IRF8: variants seen among roughly 807,000 people sequenced by gnomAD.
The protein encoded by IRF8 is interferon regulatory factor 8.
A neutral mutation model predicts 48.7 loss-of-function variants in IRF8; 14 were observed. The ratio of observed to expected loss-of-function variants is 0.29; its 90% CI spans 0.19 to 0.45. The LOEUF is 0.45. Ranked by LOEUF, IRF8 falls within the 20% of genes least tolerant of loss-of-function variation. IRF8 has a pLI of 1.00. For missense variants in IRF8, 493 were observed against 580.7 expected, an observed-to-expected ratio of 0.85 and a Z score of 1.55; for synonymous variants, 278 against 227.3, an observed-to-expected ratio of 1.22 and a Z score of -2.01.
At chr16:85,917,328 ATACCTCCCTGCATT>A (rs1020073387) in intron 6 of IRF8, among the ~76,000 whole-genome samples, 1 of 152,200 alleles carries the variant, frequency 6.6e-6, no homozygotes, top group African/African-American at 2.4e-5. Flanking sequence ...TAAAATGCAG[ATACCTCCCTGCATT>A]TACATGTTAT....
intron 1 of IRF8, 150 bp from the exon 2 acceptor site, chr16:85,902,865 C>G (rs1597248842): frequency 2.5e-6 from 2 of 797,826 alleles, no homozygotes; most frequent in Middle Eastern, 6.6e-4. Flanking sequence ...CTTCTCATGG[C>G]AGGTGTCCCG....
Position 85,914,498 on chromosome 16 carries a change from C to A in IRF8, c.579C>A (p.Thr193=). Residue 193 remains threonine, a synonymous_variant, in exon 6 of 9, where the codon ACC becomes ACA. Coordinates refer to ENST00000268638, the MANE Select transcript of IRF8 (RefSeq NM_002163.4). ...STGVPLVTGY[T]TYDAHHSAFS... ...GCGTGCCGCTGGTGACGGGGTACAC[C>A]ACCTACGACGCGCACCATTCAGGTA... 6.2e-7 allele frequency: 1 copy of A among 1,614,122 alleles called. No individual in the cohort carries two copies. Among genetic ancestry groups the A allele is most frequent in the South Asian group, 1.1e-5 (1 of 91,080 alleles).
At position 85,903,151 on chromosome 16, in the gene IRF8, C is replaced by G; in HGVS notation, c.136C>G (p.Gln46Glu). The G allele has an allele frequency of 6.2e-7, 1 of 1,614,184 alleles. No homozygotes were observed. The highest frequency in any genetic ancestry group is 8.5e-7 in the Non-Finnish European group (1 of 1,180,050). Residue 46 changes from glutamine (Q) to glutamate (E), a missense_variant, in exon 2 of 9, where the codon CAA (glutamine) becomes GAA (glutamate). Physicochemically the swap from Gln to Glu is conservative, Grantham distance 29 (BLOSUM62 2). Around this residue, in one of 3 missense-constraint regions of IRF8, gnomAD observed 31 missense variants for 71.2 expected, o/e 0.44. Coordinates refer to ENST00000268638, the MANE Select transcript of IRF8 (RefSeq NM_002163.4). ...FRIPWKHAGK[Q>E]DYNQEVDASI... ...GATCCCTTGGAAACACGCTGGCAAGCAAGATTATAATCAGGAAGTGGATGC... is the reference window on the plus strand; with the variant it reads ...GATCCCTTGGAAACACGCTGGCAAGGAAGATTATAATCAGGAAGTGGATGC...
chr16:85,906,081 G>A (rs1904993054), intron 2 of IRF8, among the ~76,000 whole-genome samples: 1 of 152,110 alleles, frequency 6.6e-6, no homozygotes, highest in Admixed American at 6.5e-5. Flanking sequence ...AGTTAAGTGA[G>A]GATTATGATT....
At chr16:85,906,337 C>T (rs536956704) in intron 2 of IRF8, among the ~76,000 whole-genome samples, 11 of 152,208 alleles carry the variant, frequency 7.2e-5, no homozygotes, top group South Asian at 2.1e-4. Flanking sequence ...CTGTTGCTGG[C>T]GGCAGGGGTG....
In IRF8 at chr16:85,921,339, G is replaced by A; in HGVS notation, c.*57G>A. The A allele has an allele frequency of 6.5e-7, 1 of 1,548,718 alleles. No homozygotes were observed. The highest frequency in any genetic ancestry group is 8.9e-7 in the Non-Finnish European group (1 of 1,127,410). On this transcript the variant is annotated 3_prime_UTR_variant, in exon 9 of 9. Transcript: ENST00000268638. ...GTCCTGCATCCATCTCCCTGTTACA[G>A]TGGCCCGCATCATGATTAAAGAATG...
At chr16:85,917,308 T>G (rs1171216607) in intron 6 of IRF8, among the ~76,000 whole-genome samples, 1 of 152,208 alleles carries the variant, frequency 6.6e-6, no homozygotes, top group Non-Finnish European at 1.5e-5. Context: ...TTCTTTTGGT[T>G]TAAGGCAATT....
chr16:85,918,738 G>A lies in IRF8; in HGVS notation c.923G>A (p.Gly308Asp), dbSNP rs774512853. Reference sequence around the variant, plus strand: ...AGCGGCAACGCCGTGGTGTGCAAAGGCAGGCCCAACAAGCTGGAGCGTGAT... The same window carrying A: ...AGCGGCAACGCCGTGGTGTGCAAAGACAGGCCCAACAAGCTGGAGCGTGAT... ...FCSGNAVVCK[G>D]RPNKLERDEV... Residue 308 changes from glycine to aspartate, a missense_variant, in exon 7 of 9, where the codon GGC becomes GAC. Physicochemically the swap from Gly to Asp is moderately conservative, Grantham distance 94. Around this residue, in one of 3 missense-constraint regions of IRF8, gnomAD observed 408 missense variants for 449.6 expected, o/e 0.91. Transcript: ENST00000268638. The A allele has an allele frequency of 2.5e-6, 4 of 1,612,584 alleles. No homozygotes were observed. In the South Asian group the frequency reaches 3.3e-5, roughly 13 times the overall value.
Position 85,921,698 on chromosome 16 carries a change from G to T in IRF8, c.*416G>T, listed in dbSNP as rs1568391. 139,364 of 242,140 alleles carry T rather than the reference G, an allele frequency of 0.58. 42,160 individuals carry two copies. Among genetic ancestry groups the T allele is most frequent in the East Asian group, 0.84 (7,422 of 8,860 alleles). 15.0% of individuals were successfully genotyped at this position (242,140 alleles called of 1,614,324 possible). ...AAACAAGGTTGTTTTTGTCTTTATC[G>T]TTTGTTAGAGTTATAGATTTATGAT... is the stretch of plus-strand genomic sequence containing the variant. On this transcript the variant is annotated 3_prime_UTR_variant, in exon 9 of 9. Coordinates refer to ENST00000268638, the MANE Select transcript of IRF8 (RefSeq NM_002163.4).
chr16:85,919,428 G>C (rs1021547188), intron 7 of IRF8, among the ~76,000 whole-genome samples: 1 of 152,204 alleles, frequency 6.6e-6, no homozygotes, highest in Non-Finnish European at 1.5e-5. Flanking sequence ...ATAGTGTCAG[G>C]TCTCAGCTGC....
intron 1 of IRF8, among the ~76,000 whole-genome samples, chr16:85,901,927 A>AT (rs58626896): frequency 0.018 from 2,349 of 130,942 alleles, 37 homozygotes; most frequent in African/African-American, 0.043. Flanking sequence ...CAAAAATGCT[A>AT]TTTTTTTTTT....
intron 1 of IRF8, among the ~76,000 whole-genome samples, chr16:85,899,967 A>C (rs557952124): frequency 1.3e-5 from 2 of 152,208 alleles, no homozygotes; most frequent in Non-Finnish European, 1.5e-5. Flanking sequence ...AGTCTCCCCA[A>C]CCAATGGCCC....
At chr16:85,917,903 T>G (rs184435182) in intron 6 of IRF8, among the ~76,000 whole-genome samples, 23 of 152,368 alleles carry the variant, frequency 1.5e-4, no homozygotes, top group African/African-American at 5.5e-4. Context: ...GCAGAGATTC[T>G]TAATCTGAAA....
intron 7 of IRF8, among the ~76,000 whole-genome samples, chr16:85,919,623 C>G (rs553912946): frequency 2.2e-4 from 33 of 152,376 alleles, no homozygotes; most frequent in African/African-American, 7.9e-4. Flanking sequence ...GCCTACCTCA[C>G]ATCCTCTGAT....
intron 6 of IRF8, among the ~76,000 whole-genome samples, chr16:85,915,308 G>A (rs578103072): frequency 2.3e-4 from 35 of 152,350 alleles, no homozygotes; most frequent in African/African-American, 8.2e-4. Context: ...TTCTGTGGGA[G>A]GCGAGCAGCT....
intron 1 of IRF8, 118 bp from the exon 2 acceptor site, chr16:85,902,897 T>G: frequency 9.1e-7 from 1 of 1,098,552 alleles, no homozygotes; most frequent in Non-Finnish European, 1.4e-6. Context: ...TCTGTGGGTT[T>G]CCCCCAAGCC....
Position 85,921,353 on chromosome 16 carries a change from G to A in IRF8, c.*71G>A. On this transcript the variant is annotated 3_prime_UTR_variant, in exon 9 of 9. Transcript: ENST00000268638. ...TCCCTGTTACAGTGGCCCGCATCAT[G>A]ATTAAAGAATGTGGATCCCTCTGTC... The A allele has an allele frequency of 6.7e-7, 1 of 1,503,482 alleles. No homozygotes were observed. Among genetic ancestry groups the A allele is most frequent in the South Asian group, 1.1e-5 (1 of 88,762 alleles). The allele number at this position is 1,503,482 out of a possible 1,614,324, so 93.1% of individuals were successfully genotyped here.
At chr16:85,912,068 G>A (rs550152253) in intron 4 of IRF8, among the ~76,000 whole-genome samples, 27 of 152,346 alleles carry the variant, frequency 1.8e-4, no homozygotes, top group Admixed American at 5.2e-4. Context: ...ATGATGGCGG[G>A]TGTTGTTGTA....
In IRF8 at chr16:85,921,333, G is replaced by A; in HGVS notation, c.*51G>A. The A allele has an allele frequency of 5.1e-6, 8 of 1,567,850 alleles. No homozygotes were observed. The highest frequency in any genetic ancestry group is 7.0e-6 in the Non-Finnish European group (8 of 1,143,826). ...GTCTGCGTCCTGCATCCATCTCCCT[G>A]TTACAGTGGCCCGCATCATGATTAA... On this transcript the variant is annotated 3_prime_UTR_variant, in exon 9 of 9. Transcript: ENST00000268638.
Sources: allele counts gnomAD v4.1 joint callset (sites outside exome capture counted in the v4.1 genomes callset), GRCh38; gene constraint gnomAD v4.1.1; regional missense constraint gnomAD v4.1.1; transcripts MANE v1.5; gene names NCBI Gene and HGNC (gene_info 2026-07-23, HGNC 2026-07-21).